COLGALT2: variants seen among roughly 807,000 people sequenced by gnomAD.
The protein encoded by COLGALT2 is procollagen galactosyltransferase 2.
In COLGALT2, 49 loss-of-function variants were observed where a neutral mutation model predicts 73.4. That is an observed-to-expected ratio of 0.67 (90% CI 0.53 to 0.85). The LOEUF (loss-of-function observed/expected upper bound fraction) is 0.85. COLGALT2 is among the 40% of genes least tolerant of loss of function. The pLI, the probability that COLGALT2 is intolerant of heterozygous loss-of-function variation, is 0.00. For missense variants in COLGALT2, 722 were observed against 790.2 expected, an observed-to-expected ratio of 0.91 and a Z score of 1.03; for synonymous variants, 295 against 307.6, an observed-to-expected ratio of 0.96 and a Z score of 0.43.
At chr1:183,931,613 C>T (rs1323632998), downstream of COLGALT2, among the ~76,000 whole-genome samples, 2 of 151,928 alleles carry the variant, frequency 1.3e-5, no homozygotes, top group African/African-American at 2.4e-5. Flanking sequence ...TTCAGGAGAG[C>T]CAGTTTTAAG....
chr1:183,937,156 G>T lies in COLGALT2; in HGVS notation c.*1605C>A. The stretch of plus-strand genomic sequence containing the variant: ...GTAGCACCACCCGCCTGTGGACTCT[G>T]CTCTGAAGGGCCCTCCCCATGAGTT... On this transcript the variant is annotated 3_prime_UTR_variant, in exon 12 of 12. Coordinates refer to ENST00000361927, the MANE Select transcript of COLGALT2 (RefSeq NM_015101.4). The T allele has an allele frequency of 8.1e-7, 1 of 1,228,172 alleles. No homozygotes were observed. The highest frequency in any genetic ancestry group is 1.0e-6 in the Non-Finnish European group (1 of 986,282). 76.1% of individuals were successfully genotyped at this position (1,228,172 alleles called of 1,614,324 possible).
chr1:184,030,175 G>T (rs1007981829), intron 1 of COLGALT2, among the ~76,000 whole-genome samples: 2 of 152,030 alleles, frequency 1.3e-5, no homozygotes, highest in Non-Finnish European at 2.9e-5. Context: ...GACCCTAAGG[G>T]ATTCAAATTT....
intron 1 of COLGALT2, among the ~76,000 whole-genome samples, chr1:184,021,738 G>A (rs1649188739): frequency 6.6e-6 from 1 of 152,202 alleles, no homozygotes. Flanking sequence ...CCTTCACTAT[G>A]TATTTAATAA....
chr1:184,037,085 G>A lies in COLGALT2; in HGVS notation c.263+10C>T. 6.4e-7 allele frequency: 1 copy of A among 1,552,144 alleles called. No homozygotes were observed. The highest frequency in any genetic ancestry group is 8.7e-7 in the Non-Finnish European group (1 of 1,155,202). ...CCCGCCGCGGCGGCCCGGGGCCCGT[G>A]CGCGCTCACCAGATGGCCATCCTGC... On this transcript the variant is annotated intron_variant, in intron 1 of 11. Coordinates refer to ENST00000361927, the MANE Select transcript of COLGALT2 (RefSeq NM_015101.4).
At chr1:184,025,882 T>A (rs534397911) in intron 1 of COLGALT2, among the ~76,000 whole-genome samples, 1 of 152,312 alleles carries the variant, frequency 6.6e-6, no homozygotes, top group South Asian at 2.1e-4. Flanking sequence ...TCAGATATGG[T>A]TATCCCCATG....
chr1:183,999,935 T>C (rs543419749), intron 1 of COLGALT2, among the ~76,000 whole-genome samples: 190 of 152,246 alleles, frequency 1.2e-3, no homozygotes, highest in Admixed American at 4.9e-3. Flanking sequence ...TCTGTCTTTA[T>C]ATGCATTATT....
exon 12 of COLGALT2, chr1:183,930,249 A>G: frequency 2.2e-6 from 1 of 456,270 alleles, no homozygotes; most frequent in Non-Finnish European, 4.4e-6. Context: ...CAGTCATCAG[A>G]AAGTGTTTGG....
intron 1 of COLGALT2, among the ~76,000 whole-genome samples, chr1:184,005,439 G>C (rs1256320076): frequency 6.6e-6 from 1 of 152,144 alleles, no homozygotes; most frequent in African/African-American, 2.4e-5. Flanking sequence ...GATATTTCTG[G>C]TTAGTGGAGC....
chr1:183,996,169 C>T (rs961160016), intron 1 of COLGALT2, among the ~76,000 whole-genome samples: 1 of 152,198 alleles, frequency 6.6e-6, no homozygotes, highest in Non-Finnish European at 1.5e-5. Context: ...CACTGGACCA[C>T]AGCTGGCCCG....
At chr1:183,972,071 A>G (rs1351399719) in intron 4 of COLGALT2, among the ~76,000 whole-genome samples, 1 of 152,186 alleles carries the variant, frequency 6.6e-6, no homozygotes, top group East Asian at 1.9e-4. Context: ...TAAAGGGGAG[A>G]CTCAAACTTT....
intron 1 of COLGALT2, among the ~76,000 whole-genome samples, chr1:183,982,831 A>G (rs1671389572): frequency 6.6e-6 from 1 of 152,202 alleles, no homozygotes; most frequent in Non-Finnish European, 1.5e-5. Flanking sequence ...TAATTTATAC[A>G]GCATCTACTT....
At chr1:183,997,114 T>C (rs1255140438) in intron 1 of COLGALT2, among the ~76,000 whole-genome samples, 1 of 152,170 alleles carries the variant, frequency 6.6e-6, no homozygotes, top group Non-Finnish European at 1.5e-5. Context: ...CAACCTAGCA[T>C]GGAATTTCAA....
chr1:183,936,612 T>C lies in COLGALT2; in HGVS notation c.*2149A>G, dbSNP rs186964186. 3.8e-4 allele frequency: 453 copies of C among 1,178,818 alleles called. No homozygotes were observed. The African/African-American group carries it at 6.6e-3, about 17-fold the overall frequency. The allele number at this position is 1,178,818 out of a possible 1,614,324, so 73.0% of individuals were successfully genotyped here. The stretch of plus-strand genomic sequence containing the variant: ...AGCACCCCAGCCACCTCCCACCCCA[T>C]TAAAAAAGTCATTAAAGTCATGCAC... On this transcript the variant is annotated 3_prime_UTR_variant, in exon 12 of 12. Coordinates refer to ENST00000361927, the MANE Select transcript of COLGALT2 (RefSeq NM_015101.4).
intron 1 of COLGALT2, 114 bp from the exon 2 acceptor site, chr1:183,978,634 G>A: frequency 1.8e-6 from 1 of 561,414 alleles, no homozygotes; most frequent in Non-Finnish European, 3.1e-6. Flanking sequence ...AAAAAAAATT[G>A]TATATATGAA....
Position 183,993,758 on chromosome 1 carries a change from A to G in COLGALT2, c.264-15238T>C, listed in dbSNP as rs182548922. Among the ~76,000 whole-genome samples, 3 of 152,294 alleles carry G rather than the reference A, an allele frequency of 2.0e-5. No individual in the cohort carries two copies. The East Asian group carries it at 5.8e-4, about 30-fold the overall frequency. On this transcript the variant is annotated intron_variant, in intron 1 of 11. Transcript: ENST00000361927. ...GTCCCCAGAATTTCCTAATTTTTCA[A>G]TTGCCTCTGTAAATTATTTCAGAAC...
rs1649260635 is a variant in COLGALT2 at position 184,024,240 on chromosome 1, T to C, written c.263+12855A>G. 2.0e-5 allele frequency among the ~76,000 whole-genome samples: 3 copies of C among 152,216 alleles called. No homozygotes were observed. The South Asian group carries it at 6.2e-4, about 32-fold the overall frequency. On this transcript the variant is annotated intron_variant, in intron 1 of 11. Coordinates refer to ENST00000361927, the MANE Select transcript of COLGALT2 (RefSeq NM_015101.4). ...CAAAGAATTCAAGAAAATTTGAAAA[T>C]ACAGTGGTACATGACATAGACAATG...
chr1:184,037,118 G>A lies in COLGALT2; in HGVS notation c.240C>T (p.Tyr80=). 3 of 1,595,534 alleles carry A rather than the reference G, an allele frequency of 1.9e-6. No homozygotes were observed. Among genetic ancestry groups the A allele is most frequent in the South Asian group, 1.1e-5 (1 of 89,774 alleles). ...HFLGCLERLD[Y]PKSRMAIWAA... The stretch of plus-strand genomic sequence containing the variant: ...ACCAGATGGCCATCCTGCTCTTGGG[G>A]TAGTCCAGCCGCTCCAGGCAGCCGA... The change falls in exon 1 of 12, where the codon TAC becomes TAT. Residue 80 remains tyrosine (Y), a synonymous_variant. Transcript: ENST00000361927.
chr1:184,000,841 T>G (rs901939582), intron 1 of COLGALT2, among the ~76,000 whole-genome samples: 6 of 148,542 alleles, frequency 4.0e-5, no homozygotes, highest in Non-Finnish European at 7.4e-5. Context: ...TTTTTTTTTT[T>G]TTTTTTGAGA....
chr1:183,930,474 C>T (rs1453836274), intron 11 of COLGALT2, among the ~76,000 whole-genome samples: 1 of 152,028 alleles, frequency 6.6e-6, no homozygotes, highest in Non-Finnish European at 1.5e-5. Context: ...CTGCAGACTC[C>T]GCTTCCTGGG....
Sources: gnomAD v4.1 joint callset for allele counts (sites outside exome capture counted in the v4.1 genomes callset) on GRCh38, gnomAD v4.1.1 for gene constraint, MANE v1.5 for transcripts, NCBI Gene and HGNC (gene_info 2026-07-23, HGNC 2026-07-21) for gene names.